Variants in KCNH7 observed in about 807,000 individuals in gnomAD.
KCNH7 encodes voltage-gated inwardly rectifying potassium channel KCNH7.
KCNH7 carries 49 observed loss-of-function variants against 120.8 expected under a neutral mutation model. That is an observed-to-expected ratio of 0.41 (90% CI 0.32 to 0.51). KCNH7 has a LOEUF of 0.51. Ranked by LOEUF, KCNH7 falls within the 20% of genes least tolerant of loss-of-function variation. KCNH7 has a pLI of 0.38. For missense variants in KCNH7, 1,097 were observed against 1,446.6 expected (o/e 0.76, Z 3.92); for synonymous variants, 547 against 516.1 (o/e 1.06, Z -0.81).
intron 6 of KCNH7, among the ~76,000 whole-genome samples, chr2:162,478,701 T>C (rs1689828112): frequency 6.6e-6 from 1 of 152,138 alleles, no homozygotes; most frequent in South Asian, 2.1e-4. Flanking sequence ...GAAGGCCTTA[T>C]GACACACTGT....
At chr2:162,657,521 C>CT (rs1684806943) in intron 2 of KCNH7, among the ~76,000 whole-genome samples, 1 of 152,008 alleles carries the variant, frequency 6.6e-6, no homozygotes, top group Admixed American at 6.6e-5. Flanking sequence ...ATTTATTCAG[C>CT]TTTTTATTGC....
intron 2 of KCNH7, among the ~76,000 whole-genome samples, chr2:162,616,983 G>A (rs1459760535): frequency 6.6e-6 from 1 of 152,076 alleles, no homozygotes; most frequent in Non-Finnish European, 1.5e-5. Flanking sequence ...CTCAGGCTCT[G>A]CATACATCAA....
chr2:162,633,892 A>T (rs1419045972), intron 2 of KCNH7, among the ~76,000 whole-genome samples: 1 of 151,906 alleles, frequency 6.6e-6, no homozygotes, highest in Non-Finnish European at 1.5e-5. Flanking sequence ...CCAGCATTGA[A>T]TTTTTTCATC....
intron 2 of KCNH7, among the ~76,000 whole-genome samples, chr2:162,673,948 G>A (rs115701059): frequency 0.013 from 1,908 of 151,764 alleles, 16 homozygotes; most frequent in South Asian, 0.03. Context: ...ACTTACATAA[G>A]TACTTAACAA....
At chr2:162,820,255 T>TGTGTGTGTGTGTGTGTGTGTG in intron 2 of KCNH7, among the ~76,000 whole-genome samples, 1 of 19,760 alleles carries the variant, frequency 5.1e-5, no homozygotes. Context: ...GTGTGTGTGT[T>TGTGTGTGTGTGTGTGTGTGTG]TAGTAGAGAC....
intron 2 of KCNH7, among the ~76,000 whole-genome samples, chr2:162,734,558 C>A (rs1687835597): frequency 2.0e-5 from 3 of 152,032 alleles, no homozygotes; most frequent in Admixed American, 2.0e-4. Context: ...CACCATGATT[C>A]TCTTCAACAT....
At chr2:162,380,116 A>G in intron 13 of KCNH7, 95 bp from the exon 14 acceptor site, 3 of 1,431,300 alleles carry the variant, frequency 2.1e-6, no homozygotes, top group Non-Finnish European at 1.9e-6. Context: ...AAAGGATCGG[A>G]GTATAACCTG....
intron 5 of KCNH7, 28 bp downstream of exon 5, chr2:162,512,626 G>T: frequency 1.2e-6 from 2 of 1,604,538 alleles, no homozygotes; most frequent in Non-Finnish European, 1.7e-6. Context: ...TTGAACATCA[G>T]ATGGTGAAAT....
chr2:162,607,949 G>A (rs1439094485), intron 2 of KCNH7, among the ~76,000 whole-genome samples: 2 of 152,062 alleles, frequency 1.3e-5, no homozygotes, highest in Non-Finnish European at 2.9e-5. Context: ...TATGAACATC[G>A]CTGCCTTATG....
At chr2:162,801,857 C>T (rs1011432798) in intron 2 of KCNH7, among the ~76,000 whole-genome samples, 1 of 151,728 alleles carries the variant, frequency 6.6e-6, no homozygotes, top group Admixed American at 6.6e-5. Context: ...GCTTGTGCTT[C>T]AATGAGTTCC....
intron 11 of KCNH7, among the ~76,000 whole-genome samples, chr2:162,394,944 T>C (rs1429028183): frequency 1.3e-5 from 2 of 151,838 alleles, no homozygotes; most frequent in Non-Finnish European, 2.9e-5. Flanking sequence ...TCCTCCTCCA[T>C]AGCCTATTAA....
chr2:162,398,912 A>G (rs1374870780), intron 10 of KCNH7, among the ~76,000 whole-genome samples: 1 of 151,284 alleles, frequency 6.6e-6, no homozygotes, highest in African/African-American at 2.4e-5. Flanking sequence ...TGGGAAATGT[A>G]AAAAAAAACT....
intron 2 of KCNH7, among the ~76,000 whole-genome samples, chr2:162,788,777 A>G (rs913716009): frequency 6.6e-6 from 1 of 152,024 alleles, no homozygotes; most frequent in East Asian, 1.9e-4. Context: ...CATAAAATGT[A>G]AATTACCCCA....
At chr2:162,686,850 TCAA>T (rs1685910005) in intron 2 of KCNH7, among the ~76,000 whole-genome samples, 1 of 152,128 alleles carries the variant, frequency 6.6e-6, no homozygotes, top group Admixed American at 6.6e-5. Context: ...ACATGAAGTT[TCAA>T]CAACTGCTTC....
At chr2:162,646,158 A>G (rs897755718) in intron 2 of KCNH7, among the ~76,000 whole-genome samples, 1 of 152,200 alleles carries the variant, frequency 6.6e-6, no homozygotes. Context: ...AGCGATTTAT[A>G]TTTGCAAATA....
chr2:162,807,293 C>T (rs1025277654), intron 2 of KCNH7, among the ~76,000 whole-genome samples: 1 of 143,948 alleles, frequency 6.9e-6, no homozygotes, highest in South Asian at 2.3e-4. Context: ...ACAAATTAGC[C>T]AGGTGTGGTG....
chr2:162,582,925 T>A (rs1693925956), intron 2 of KCNH7, among the ~76,000 whole-genome samples: 1 of 152,080 alleles, frequency 6.6e-6, no homozygotes, highest in South Asian at 2.1e-4. Context: ...AAATGAGAGT[T>A]TGATATAATT....
rs184214740 is a variant in KCNH7 at position 162,603,997 on chromosome 2, A to G, written c.308-66917T>C. ...GTAATGTACTGCAACTTCAATTACT[A>G]AGGAAACATGGTGTTTTAATTGCTC... is the stretch of plus-strand genomic sequence containing the variant. On this transcript the variant is annotated intron_variant, in intron 2 of 15. Coordinates refer to ENST00000332142, the MANE Select transcript of KCNH7 (RefSeq NM_033272.4). Among the ~76,000 whole-genome samples the G allele has an allele frequency of 1.5e-4, 23 of 152,238 alleles. No homozygotes were observed. The East Asian group carries it at 4.4e-3, about 29-fold the overall frequency.
chr2:162,658,330 C>T (rs1352062194), intron 2 of KCNH7, among the ~76,000 whole-genome samples: 1 of 152,070 alleles, frequency 6.6e-6, no homozygotes, highest in African/African-American at 2.4e-5. Context: ...TCTGAGTTCT[C>T]TATTTCATTG....
Sources: gnomAD v4.1 joint callset for allele counts (sites outside exome capture counted in the v4.1 genomes callset) on GRCh38, gnomAD v4.1.1 for gene constraint, MANE v1.5 for transcripts, NCBI Gene and HGNC (gene_info 2026-07-23, HGNC 2026-07-21) for gene names.